L3MBTL4: variants seen among roughly 807,000 people sequenced by gnomAD.
L3MBTL4 encodes the protein lethal(3)malignant brain tumor-like protein 4.
L3MBTL4 carries 70 observed loss-of-function variants against 84.5 expected under a neutral mutation model. The observed-to-expected ratio is 0.83, with a 90% CI of 0.68 to 1.01. The LOEUF (loss-of-function observed/expected upper bound fraction) is 1.01, where lower values mean the gene tolerates loss of function less well. Ranked by LOEUF, L3MBTL4 falls within the 50% of genes least tolerant of loss-of-function variation. The probability of loss-of-function intolerance (pLI) is 0.00; values close to 1 mark genes in which losing one functional copy is unlikely to be tolerated. For missense variants in L3MBTL4, 715 were observed against 754.8 expected (o/e 0.95, Z 0.62); for synonymous variants, 274 against 259.8 (o/e 1.05, Z -0.52).
Position 6,286,440 on chromosome 18 carries a change from C to T in L3MBTL4, c.127+15463G>A, listed in dbSNP as rs145768245. 4.1e-3 allele frequency among the ~76,000 whole-genome samples: 625 copies of T among 151,326 alleles called. 3 individuals carry two copies. Among genetic ancestry groups the T allele is most frequent in the Middle Eastern group, 0.014 (4 of 288 alleles). ...GATCACGCCACTGCACTCGCCTGGG[C>T]GACAGAGTGAGACTCCATCTCAAAA... On this transcript the variant is annotated intron_variant, in intron 4 of 18. Transcript: ENST00000317931.
chr18:6,137,226 C>T (rs1002699223), intron 14 of L3MBTL4, among the ~76,000 whole-genome samples: 4 of 152,184 alleles, frequency 2.6e-5, no homozygotes, highest in African/African-American at 4.8e-5. Context: ...TTTCACAAGT[C>T]GCCAAGCAGT....
chr18:5,959,551 A>C (rs1181280236), intron 18 of L3MBTL4, among the ~76,000 whole-genome samples: 20 of 152,158 alleles, frequency 1.3e-4, no homozygotes. Context: ...CAGGAGATAG[A>C]AACCCCGTAG....
chr18:6,164,758 TA>T (rs1352549672), intron 13 of L3MBTL4, among the ~76,000 whole-genome samples: 1 of 152,018 alleles, frequency 6.6e-6, no homozygotes, highest in Non-Finnish European at 1.5e-5. Context: ...CCGGAAACCC[TA>T]AAAAATCAGA....
intron 1 of L3MBTL4, among the ~76,000 whole-genome samples, chr18:6,379,690 T>A (rs902727072): frequency 8.5e-5 from 13 of 152,208 alleles, no homozygotes; most frequent in South Asian, 4.1e-4. Flanking sequence ...GTGGATAAGC[T>A]TTTCGATGTG....
rs774527038 is a variant in L3MBTL4, at chr18:6,016,291, C to T, written c.1445-46729G>A. Among the ~76,000 whole-genome samples, 15 of 152,286 alleles carry T rather than the reference C, an allele frequency of 9.8e-5. 1 individual carries two copies. In the Middle Eastern group the frequency reaches 0.01, roughly 104 times the overall value. ...GGACTTTGAGAGACGGCTGGAATTTCGAACTACATGCTGCAGATACTGGGA... is the reference window on the plus strand; with the variant it reads ...GGACTTTGAGAGACGGCTGGAATTTTGAACTACATGCTGCAGATACTGGGA... On this transcript the variant is annotated intron_variant, in intron 16 of 18. Transcript: ENST00000317931.
chr18:6,008,380 A>G (rs1471333671), intron 16 of L3MBTL4, among the ~76,000 whole-genome samples: 1 of 152,206 alleles, frequency 6.6e-6, no homozygotes. Context: ...CTCCTCAACA[A>G]TATGAGATGT....
At chr18:6,139,816 T>A (rs1263410249) in intron 13 of L3MBTL4, among the ~76,000 whole-genome samples, 1 of 152,126 alleles carries the variant, frequency 6.6e-6, no homozygotes, top group Non-Finnish European at 1.5e-5. Flanking sequence ...TCTCTGTGCC[T>A]CCTCAGGGCC....
At chr18:6,250,027 G>A (rs1021124891) in intron 5 of L3MBTL4, among the ~76,000 whole-genome samples, 6 of 152,202 alleles carry the variant, frequency 3.9e-5, no homozygotes, top group Non-Finnish European at 8.8e-5. Context: ...ACGAAACCTG[G>A]CTAGAGGCCA....
rs559026414 is a variant in L3MBTL4, at chr18:6,248,535, A to C, written c.220-3947T>G. Among the ~76,000 whole-genome samples the C allele has an allele frequency of 8.5e-5, 13 of 152,242 alleles. 1 individual carries two copies. The highest frequency in any genetic ancestry group is 8.5e-4 in the Admixed American group (13 of 15,294). On this transcript the variant is annotated intron_variant, in intron 5 of 18. Coordinates refer to ENST00000317931, the MANE Select transcript of L3MBTL4 (RefSeq NM_001330559.2). Reference sequence around the variant, plus strand: ...ACTCAAAAATGTATCTCTTCCTCCCATATTCTATCCACCGCATTCCCTCAC... The same window carrying C: ...ACTCAAAAATGTATCTCTTCCTCCCCTATTCTATCCACCGCATTCCCTCAC...
chr18:6,117,528 G>T (rs1032779223), intron 14 of L3MBTL4, among the ~76,000 whole-genome samples: 2 of 152,224 alleles, frequency 1.3e-5, no homozygotes, highest in African/African-American at 4.8e-5. Flanking sequence ...TCTTTGGTAG[G>T]AGGGCAGGAG....
chr18:6,271,994 T>C (rs2048891722), intron 4 of L3MBTL4, among the ~76,000 whole-genome samples: 1 of 152,100 alleles, frequency 6.6e-6, no homozygotes. Flanking sequence ...TGGAGAAGTT[T>C]GCAAATGAAC....
At chr18:6,230,293 T>C (rs1327728184) in intron 10 of L3MBTL4, among the ~76,000 whole-genome samples, 1 of 152,106 alleles carries the variant, frequency 6.6e-6, no homozygotes, top group Non-Finnish European at 1.5e-5. Context: ...CCATGTATAC[T>C]CAATGTTTAG....
intron 1 of L3MBTL4, among the ~76,000 whole-genome samples, chr18:6,317,910 C>A (rs2051191834): frequency 6.6e-6 from 1 of 152,096 alleles, no homozygotes; most frequent in South Asian, 2.1e-4. Flanking sequence ...GTCTTCTTAG[C>A]AGAAATCTTA....
At position 6,404,869 on chromosome 18, in the gene L3MBTL4, G is replaced by T. The variant is rs866375044; in HGVS notation, c.-91+9932C>A. On this transcript the variant is annotated intron_variant, in intron 1 of 18. Transcript: ENST00000317931. Reference sequence around the variant, plus strand: ...CCTGGATAATTTTTTTTTTTTTTTTGAAGAGACGAAGTCTCACTATGTTGC... The same window carrying T: ...CCTGGATAATTTTTTTTTTTTTTTTTAAGAGACGAAGTCTCACTATGTTGC... Among the ~76,000 whole-genome samples, 797 of 128,474 alleles carry T rather than the reference G, an allele frequency of 6.2e-3. 2 individuals are homozygous for T. The highest frequency in any genetic ancestry group is 0.017 in the Middle Eastern group (4 of 240). The allele number at this position is 128,474 out of a possible 152,430, so 84.3% of individuals were successfully genotyped here. A position where few individuals can be genotyped will look rare whatever the true frequency, so the allele number is the denominator to read the frequency against.
chr18:5,964,045 C>T lies in L3MBTL4; in HGVS notation c.1615-3889G>A, dbSNP rs1287674575. 2.0e-5 allele frequency among the ~76,000 whole-genome samples: 3 copies of T among 152,358 alleles called. No homozygotes were observed. The East Asian group carries it at 5.8e-4, about 29-fold the overall frequency. ...TTTGGCTCTGGGCAGTGCCTGGTGGCATGGGGGCTGCCATGTGGGTGTCTC... is the reference window on the plus strand; with the variant it reads ...TTTGGCTCTGGGCAGTGCCTGGTGGTATGGGGGCTGCCATGTGGGTGTCTC... On this transcript the variant is annotated intron_variant, in intron 17 of 18. Coordinates refer to ENST00000317931, the MANE Select transcript of L3MBTL4 (RefSeq NM_001330559.2).
chr18:6,163,296 TGTGTGTGTGTGG>T (rs1259748794), intron 13 of L3MBTL4, among the ~76,000 whole-genome samples: 2,641 of 130,000 alleles, frequency 0.02, 178 homozygotes, highest in African/African-American at 0.086. Context: ...TGTGTGTGTG[TGTGTGTGTGTGG>T]GTGGGTGTGT....
chr18:6,389,322 T>A (rs917299882), intron 1 of L3MBTL4, among the ~76,000 whole-genome samples: 1 of 152,130 alleles, frequency 6.6e-6, no homozygotes, highest in Non-Finnish European at 1.5e-5. Context: ...AAAAGCTCAA[T>A]CTACACCAGA....
At chr18:6,093,997 T>C (rs1025289010) in intron 14 of L3MBTL4, among the ~76,000 whole-genome samples, 2 of 152,216 alleles carry the variant, frequency 1.3e-5, no homozygotes, top group African/African-American at 4.8e-5. Flanking sequence ...TCTGCAGATC[T>C]GCTTAATCCT....
At chr18:6,181,294 T>C (rs1325502067) in intron 12 of L3MBTL4, among the ~76,000 whole-genome samples, 5 of 152,096 alleles carry the variant, frequency 3.3e-5, no homozygotes, top group East Asian at 1.9e-4. Flanking sequence ...GTCCAGGTAA[T>C]AGGCATAGTA....
Sources: gnomAD v4.1 joint callset for allele counts (sites outside exome capture counted in the v4.1 genomes callset) on GRCh38, gnomAD v4.1.1 for gene constraint, MANE v1.5 for transcripts, NCBI Gene and HGNC (gene_info 2026-07-23, HGNC 2026-07-21) for gene names.